KLHL7: variants seen among roughly 807,000 people sequenced by gnomAD.
KLHL7 encodes the protein kelch-like protein 7.
KLHL7 carries 44 observed loss-of-function variants against 67.4 expected under a neutral mutation model. The observed-to-expected ratio is 0.65, with a 90% CI of 0.51 to 0.84. KLHL7 has a LOEUF of 0.84. Ranked by LOEUF, KLHL7 falls within the 40% of genes least tolerant of loss-of-function variation. KLHL7 has a pLI of 0.00. For synonymous variants in KLHL7, 252 were observed against 243.3 expected (o/e 1.04, Z -0.33); for missense variants, 362 against 718.1 (o/e 0.50, Z 5.67).
chr7:23,128,233 TAAAACTC>T (rs1783655341), intron 4 of KLHL7, among the ~76,000 whole-genome samples: 1 of 151,724 alleles, frequency 6.6e-6, no homozygotes, highest in African/African-American at 2.4e-5. Context: ...TCGATACTCT[TAAAACTC>T]AAACCGAAGA....
chr7:23,110,286 C>CT lies in KLHL7; in HGVS notation c.120+4143dup, dbSNP rs138170843. 1.6e-4 allele frequency among the ~76,000 whole-genome samples: 24 copies of CT among 152,330 alleles called. No homozygotes were observed. In the East Asian group the frequency reaches 4.6e-3, roughly 29 times the overall value. On this transcript the variant is annotated intron_variant, in intron 1 of 10. Transcript: ENST00000339077. ...CCAGATCTATAAACCTATTTTGACA[C>CT]TTTCCCTTTTCTCTTCTTATCCTGC...
At chr7:23,106,295 C>G (rs1782635265) in intron 1 of KLHL7, 149 bp downstream of exon 1, 2 of 1,515,334 alleles carry the variant, frequency 1.3e-6, no homozygotes, top group African/African-American at 2.8e-5. Context: ...CGAGCGATTC[C>G]GCAGTTGGTA....
intron 1 of KLHL7, among the ~76,000 whole-genome samples, chr7:23,120,542 A>T (rs933563503): frequency 1.3e-5 from 2 of 152,028 alleles, no homozygotes; most frequent in African/African-American, 4.8e-5. Context: ...GGAACATTCA[A>T]TATCTTCTTT....
chr7:23,155,481 G>C (rs1490247550), intron 7 of KLHL7, among the ~76,000 whole-genome samples: 1 of 152,054 alleles, frequency 6.6e-6, no homozygotes, highest in East Asian at 1.9e-4. Context: ...TGGGCAACAT[G>C]GTGAAACCCC....
chr7:23,164,451 C>T (rs1214131069), intron 7 of KLHL7, among the ~76,000 whole-genome samples: 3 of 152,126 alleles, frequency 2.0e-5, no homozygotes, highest in African/African-American at 7.2e-5. Flanking sequence ...TTATTTCATT[C>T]TGTGGTATAC....
intron 6 of KLHL7, among the ~76,000 whole-genome samples, chr7:23,148,520 A>G (rs909388538): frequency 6.6e-6 from 1 of 152,212 alleles, no homozygotes; most frequent in Non-Finnish European, 1.5e-5. Context: ...TTAAATGCAG[A>G]GAGGAAAGAA....
intron 5 of KLHL7, among the ~76,000 whole-genome samples, chr7:23,143,095 CAGAA>C (rs1562574032): frequency 2.6e-5 from 4 of 152,002 alleles, no homozygotes; most frequent in Admixed American, 6.6e-5. Context: ...AAAATTAACT[CAGAA>C]AGAGATCAGA....
chr7:23,159,056 AG>A (rs1784785029), intron 7 of KLHL7, among the ~76,000 whole-genome samples: 1 of 152,214 alleles, frequency 6.6e-6, no homozygotes. Flanking sequence ...AGCCCCCAAA[AG>A]TATTGTATAA....
At chr7:23,131,777 T>A (rs1161991924) in intron 4 of KLHL7, among the ~76,000 whole-genome samples, 1 of 147,270 alleles carries the variant, frequency 6.8e-6, no homozygotes, top group Non-Finnish European at 1.5e-5. Flanking sequence ...CTCCCCTCAA[T>A]CTCCCGACTA....
At chr7:23,161,713 T>C (rs927120338) in intron 7 of KLHL7, among the ~76,000 whole-genome samples, 2 of 151,640 alleles carry the variant, frequency 1.3e-5, no homozygotes, top group South Asian at 2.1e-4. Context: ...AACATAAAGA[T>C]AGTGCTGCAA....
At chr7:23,128,741 A>G (rs548197710) in intron 4 of KLHL7, among the ~76,000 whole-genome samples, 1 of 151,946 alleles carries the variant, frequency 6.6e-6, no homozygotes, top group Admixed American at 6.6e-5. Context: ...ACTAGCAGTC[A>G]CTCCCCATTC....
At chr7:23,168,139 T>G in intron 9 of KLHL7, 102 bp downstream of exon 9, 1 of 1,113,096 alleles carries the variant, frequency 9.0e-7, no homozygotes, top group South Asian at 1.3e-5. Context: ...ATTTTGTCCT[T>G]GAGTGAAGAG....
At chr7:23,113,149 A>G (rs544899123) in intron 1 of KLHL7, among the ~76,000 whole-genome samples, 4 of 152,136 alleles carry the variant, frequency 2.6e-5, no homozygotes, top group African/African-American at 4.8e-5. Context: ...AAAAAATAGA[A>G]TGAGATCATC....
chr7:23,172,133 G>GAA (rs768470817), intron 9 of KLHL7: 1 of 456,270 alleles, frequency 2.2e-6, no homozygotes, highest in Non-Finnish European at 4.4e-6. Flanking sequence ...GTTAGCTGCT[G>GAA]AAAGCACAAG....
intron 6 of KLHL7, among the ~76,000 whole-genome samples, chr7:23,146,869 A>T (rs943693472): frequency 6.6e-6 from 1 of 152,138 alleles, no homozygotes; most frequent in Non-Finnish European, 1.5e-5. Flanking sequence ...GCTAAGATCA[A>T]GTATAGTGTA....
chr7:23,120,540 C>G (rs923244065), intron 1 of KLHL7, among the ~76,000 whole-genome samples: 2 of 152,064 alleles, frequency 1.3e-5, no homozygotes, highest in Non-Finnish European at 2.9e-5. Context: ...TGGGAACATT[C>G]AATATCTTCT....
At position 23,177,175 on chromosome 7, in the gene KLHL7, TC is replaced by T. The variant is rs1204186250; in HGVS notation, c.*2878del. On this transcript the variant is annotated 3_prime_UTR_variant, in exon 11 of 11. Coordinates refer to ENST00000339077, the MANE Select transcript of KLHL7 (RefSeq NM_001031710.3). ...TAGGCAACCACTAATCTACTTTCTGTCTCTAGATTTGATTATTCTGAACATT... is the reference window on the plus strand; with the variant it reads ...TAGGCAACCACTAATCTACTTTCTGTTCTAGATTTGATTATTCTGAACATT... The T allele has an allele frequency of 6.6e-6, 1 of 152,192 alleles. No homozygotes were observed. The highest frequency in any genetic ancestry group is 2.4e-5 in the African/African-American group (1 of 41,444). 9.4% of individuals were successfully genotyped at this position (152,192 alleles called of 1,614,324 possible).
Position 23,167,912 on chromosome 7 carries a change from C to G in KLHL7, c.1254C>G (p.Thr418=). 6.2e-7 allele frequency: 1 copy of G among 1,614,146 alleles called. No homozygotes were observed. The highest frequency in any genetic ancestry group is 8.5e-7 in the Non-Finnish European group (1 of 1,180,012). Residue 418 remains threonine (T), a synonymous_variant, in exon 9 of 11, where the codon ACC becomes ACG. Coordinates refer to ENST00000339077, the MANE Select transcript of KLHL7 (RefSeq NM_001031710.3). The stretch of plus-strand genomic sequence containing the variant: ...GGCACACAAAGCCCAGCATGCTGAC[C>G]CAGCGCTGCAGCCATGGGATGGTGG... ...ESWHTKPSML[T]QRCSHGMVEA...
intron 1 of KLHL7, among the ~76,000 whole-genome samples, chr7:23,110,124 A>G (rs1782804753): frequency 6.6e-6 from 1 of 152,194 alleles, no homozygotes; most frequent in Non-Finnish European, 1.5e-5. Context: ...GCCCGTGAGC[A>G]ATCTTTTTGT....
Sources: gnomAD v4.1 joint callset for allele counts (sites outside exome capture counted in the v4.1 genomes callset) on GRCh38, gnomAD v4.1.1 for gene constraint, MANE v1.5 for transcripts, NCBI Gene and HGNC (gene_info 2026-07-23, HGNC 2026-07-21) for gene names.